MIAT: variants seen among roughly 807,000 people sequenced by gnomAD.
MIAT encodes the protein myocardial infarction associated transcript, also known as MI related novel mRNA.
chr22:26,671,600 C>G (rs936117817), downstream of MIAT: 7 of 398,710 alleles, frequency 1.8e-5, no homozygotes, highest in Non-Finnish European at 3.1e-5. Context: ...GCAGCCAAGG[C>G]TCCAGAAGGC....
At chr22:26,649,320 G>A (rs75130340) in intron 2 of MIAT, among the ~76,000 whole-genome samples, 2,493 of 152,294 alleles carry the variant, frequency 0.016, 28 homozygotes, top group Admixed American at 0.024. Context: ...TTCACTGCCC[G>A]CCCTGGCTGG....
intron 2 of MIAT, among the ~76,000 whole-genome samples, chr22:26,655,675 G>A (rs1409224665): frequency 6.6e-6 from 1 of 152,200 alleles, no homozygotes; most frequent in East Asian, 1.9e-4. Flanking sequence ...TGTAAACCCG[G>A]AATAGTCTGG....
At chr22:26,670,429 T>G (rs145413518), downstream of MIAT, 203 of 398,334 alleles carry the variant, frequency 5.1e-4, 5 homozygotes, top group East Asian at 7.1e-3. Context: ...GCACAAGTTC[T>G]GAGTGCCTGG....
chr22:26,651,158 C>T (rs970028083), intron 2 of MIAT, among the ~76,000 whole-genome samples: 5 of 152,204 alleles, frequency 3.3e-5, no homozygotes, highest in Non-Finnish European at 7.3e-5. Flanking sequence ...ATGCAGCTCT[C>T]CTCTCCTCTG....
At chr22:26,672,096 G>T, downstream of MIAT, 3 of 399,556 alleles carry the variant, frequency 7.5e-6, no homozygotes, top group Non-Finnish European at 1.3e-5. Context: ...ACAAACTAAC[G>T]GACCTGCGTG....
intron 2 of MIAT, chr22:26,647,450 G>A (rs1258283699): frequency 2.6e-6 from 1 of 390,280 alleles, no homozygotes; most frequent in Non-Finnish European, 4.5e-6. Flanking sequence ...AAAAGCAAAT[G>A]GATATGTAAT....
chr22:26,661,953 TATATATATAC>T (rs1443588986), intron 2 of MIAT, among the ~76,000 whole-genome samples: 14 of 53,374 alleles, frequency 2.6e-4, no homozygotes, highest in East Asian at 6.7e-4. Context: ...TATATATATA[TATATATATAC>T]ACACACACAC....
chr22:26,674,638 G>A, downstream of MIAT: 1 of 398,724 alleles, frequency 2.5e-6, no homozygotes, highest in Non-Finnish European at 4.4e-6. Context: ...GAGGGCACAA[G>A]AGAGAAAAGA....
downstream of MIAT, chr22:26,672,150 G>A: frequency 2.5e-6 from 1 of 399,880 alleles, no homozygotes; most frequent in East Asian, 3.6e-5. Context: ...TGTCTGCTGA[G>A]GTGCCCTGTC....
At chr22:26,670,038 T>C (rs529979363), downstream of MIAT, 3 of 395,916 alleles carry the variant, frequency 7.6e-6, no homozygotes, top group Non-Finnish European at 8.9e-6. Context: ...TCTGGGAGTA[T>C]AGACTTAGGG....
At chr22:26,646,817 G>A (rs1198201921) in exon 1 of MIAT, 7 of 398,542 alleles carry the variant, frequency 1.8e-5, no homozygotes, top group African/African-American at 1.4e-4. Flanking sequence ...GAGGAATAAT[G>A]AGGGTGGTGT....
intron 2 of MIAT, among the ~76,000 whole-genome samples, chr22:26,652,957 C>T (rs969549040): frequency 3.3e-5 from 5 of 152,098 alleles, no homozygotes; most frequent in Non-Finnish European, 5.9e-5. Context: ...TTTACCATCT[C>T]GGGGCTTGCT....
rs1185668949 is a variant in MIAT at position 26,661,480 on chromosome 22, G to C, written n.647-1836G>C. ...GTATACTCAAAGGTGTGGAGTAGAT[G>C]ATGAGTAGTAACTAACCCTAACTAC... On this transcript the variant is annotated intron_variant and non_coding_transcript_variant, in intron 2 of 5. Transcript: ENST00000643270. Among the ~76,000 whole-genome samples, 7 of 152,130 alleles carry C rather than the reference G, an allele frequency of 4.6e-5. No individual in the cohort carries two copies. In the East Asian group the frequency reaches 9.7e-4, roughly 21 times the overall value.
At chr22:26,649,991 A>G (rs67439309) in intron 2 of MIAT, among the ~76,000 whole-genome samples, 7,844 of 152,320 alleles carry the variant, frequency 0.051, 347 homozygotes, top group Admixed American at 0.14. Context: ...ACAGTCTCCC[A>G]GAAGACCTCA....
downstream of MIAT, chr22:26,673,068 G>A (rs760292892): frequency 6.3e-5 from 25 of 398,632 alleles, no homozygotes; most frequent in Middle Eastern, 1.3e-3. Context: ...GTTAGTTGTC[G>A]GGTTGAAAAG....
At chr22:26,665,904 G>C in exon 4 of MIAT, 2 of 398,642 alleles carry the variant, frequency 5.0e-6, no homozygotes, top group Non-Finnish European at 8.8e-6. Context: ...TTGTGTACTT[G>C]TAGAACTGCT....
At chr22:26,649,979 C>T (rs1033800459) in intron 2 of MIAT, among the ~76,000 whole-genome samples, 35 of 152,246 alleles carry the variant, frequency 2.3e-4, no homozygotes, top group African/African-American at 3.4e-4. Flanking sequence ...CGGGTGTGTC[C>T]GACAGTCTCC....
At chr22:26,670,653 A>G (rs1931013717), downstream of MIAT, 1 of 395,280 alleles carries the variant, frequency 2.5e-6, no homozygotes, top group Non-Finnish European at 4.4e-6. Context: ...ATTCCGCTGC[A>G]CTACTGAAGT....
At chr22:26,661,378 T>C (rs1398098956) in intron 2 of MIAT, among the ~76,000 whole-genome samples, 10 of 152,174 alleles carry the variant, frequency 6.6e-5, no homozygotes, top group South Asian at 4.1e-4. Flanking sequence ...GGTGTCCCCT[T>C]ATCCCTTGTG....
Sources: gnomAD v4.1 joint callset for allele counts (sites outside exome capture counted in the v4.1 genomes callset) on GRCh38, gnomAD v4.1.1 for gene constraint, MANE v1.5 for transcripts, NCBI Gene and HGNC (gene_info 2026-07-23, HGNC 2026-07-21) for gene names.